The following CLSTN2 variants were observed in gnomAD, a reference collection of about 807,000 sequenced individuals.
CLSTN2 encodes calsyntenin 2.
In CLSTN2, 48 loss-of-function variants were observed where a neutral mutation model predicts 101.2. The observed-to-expected ratio is 0.47, with a 90% CI of 0.38 to 0.60. The LOEUF is 0.60. CLSTN2 is among the 20% of genes least tolerant of loss of function. The pLI, the probability that CLSTN2 is intolerant of heterozygous loss-of-function variation, is 0.00. For missense variants in CLSTN2, 1,160 were observed against 1,238.2 expected, an observed-to-expected ratio of 0.94 and a Z score of 0.95; for synonymous variants, 481 against 463.6, an observed-to-expected ratio of 1.04 and a Z score of -0.48.
At chr3:140,409,880 C>T (rs1005182261) in intron 4 of CLSTN2, among the ~76,000 whole-genome samples, 1 of 151,948 alleles carries the variant, frequency 6.6e-6, no homozygotes, top group African/African-American at 2.4e-5. Context: ...AATTTTGGAG[C>T]TTGAGAATAC....
At chr3:140,252,255 G>T (rs2086570606) in intron 2 of CLSTN2, among the ~76,000 whole-genome samples, 1 of 152,172 alleles carries the variant, frequency 6.6e-6, no homozygotes. Flanking sequence ...AAGGGTCAGG[G>T]TAGGGAGCAA....
rs1186745948 is a variant in CLSTN2 at position 140,518,258 on chromosome 3, T to C, written c.1345-14066T>C. Reference sequence around the variant, plus strand: ...GAAAGCAAGCAGGGCTTTCAGGATTTATGCCTTCCCACCTGTAGCAACTTC... The same window carrying C: ...GAAAGCAAGCAGGGCTTTCAGGATTCATGCCTTCCCACCTGTAGCAACTTC... On this transcript the variant is annotated intron_variant, in intron 8 of 16. Transcript: ENST00000458420. 2.0e-3 allele frequency among the ~76,000 whole-genome samples: 309 copies of C among 152,334 alleles called. 3 individuals carry two copies. Among genetic ancestry groups the C allele is most frequent in the Admixed American group, 3.5e-3 (53 of 15,310 alleles).
chr3:140,235,661 C>G (rs952231556), intron 2 of CLSTN2, among the ~76,000 whole-genome samples: 9 of 152,218 alleles, frequency 5.9e-5, no homozygotes, highest in Admixed American at 2.0e-4. Flanking sequence ...TTGTCTGTAC[C>G]AGCAGATTCC....
intron 1 of CLSTN2, among the ~76,000 whole-genome samples, chr3:140,050,310 C>T (rs529552458): frequency 7.9e-5 from 12 of 152,248 alleles, no homozygotes; most frequent in Non-Finnish European, 1.8e-4. Flanking sequence ...TGATGAGAGA[C>T]CATTGGAGAA....
chr3:140,146,015 T>C (rs758700647), intron 1 of CLSTN2, among the ~76,000 whole-genome samples: 3 of 152,202 alleles, frequency 2.0e-5, no homozygotes, highest in Non-Finnish European at 4.4e-5. Context: ...CATGGGGTCA[T>C]AAAATGCTTG....
At chr3:140,051,697 A>G (rs897962718) in intron 1 of CLSTN2, among the ~76,000 whole-genome samples, 3 of 152,182 alleles carry the variant, frequency 2.0e-5, no homozygotes, top group Non-Finnish European at 2.9e-5. Context: ...TCAAAACACT[A>G]TTGAGGCTGG....
At chr3:140,439,751 ACG>A (rs888881426) in intron 5 of CLSTN2, among the ~76,000 whole-genome samples, 9 of 90,338 alleles carry the variant, frequency 1.0e-4, no homozygotes, top group Non-Finnish European at 2.2e-4. Flanking sequence ...GTGCACACAC[ACG>A]CACACACACA....
rs554683921 is a variant in CLSTN2, at chr3:139,993,697, G to C, written c.109+58214G>C. ...TTTATTAATGCTGAGGTCCCAAACA[G>C]TGGCTTTGTGGCCAAGAATGTATCA... is the stretch of plus-strand genomic sequence containing the variant. On this transcript the variant is annotated intron_variant, in intron 1 of 16. Coordinates refer to ENST00000458420, the MANE Select transcript of CLSTN2 (RefSeq NM_022131.3). Among the ~76,000 whole-genome samples the C allele has an allele frequency of 8.5e-5, 13 of 152,366 alleles. No individual in the cohort carries two copies. In the South Asian group the frequency reaches 2.7e-3, roughly 32 times the overall value.
chr3:140,356,772 A>AAAAT (rs1559847470), intron 2 of CLSTN2, among the ~76,000 whole-genome samples: 1 of 151,734 alleles, frequency 6.6e-6, no homozygotes, highest in African/African-American at 2.4e-5. Context: ...AAAAAAAAAA[A>AAAAT]AAAGAAAGAA....
chr3:140,518,999 C>T (rs1208709382), intron 8 of CLSTN2, among the ~76,000 whole-genome samples: 1 of 152,164 alleles, frequency 6.6e-6, no homozygotes, highest in African/African-American at 2.4e-5. Context: ...ACTGCTTTAG[C>T]TGCATCCCAG....
At chr3:140,423,178 A>AATTTGT (rs2107992575) in intron 5 of CLSTN2, among the ~76,000 whole-genome samples, 1 of 152,364 alleles carries the variant, frequency 6.6e-6, no homozygotes, top group Admixed American at 6.5e-5. Flanking sequence ...ATAATTTCCT[A>AATTTGT]ACAGAATTTG....
chr3:139,962,387 A>G (rs2107815057), intron 1 of CLSTN2, among the ~76,000 whole-genome samples: 1 of 152,288 alleles, frequency 6.6e-6, no homozygotes, highest in East Asian at 1.9e-4. Flanking sequence ...GAACAAATAT[A>G]TGACCTCCAA....
At chr3:140,217,524 G>A (rs1383202165) in intron 2 of CLSTN2, among the ~76,000 whole-genome samples, 2 of 152,288 alleles carry the variant, frequency 1.3e-5, no homozygotes, top group Non-Finnish European at 2.9e-5. Context: ...GTTAATTACT[G>A]TGTTCATGAC....
At chr3:139,984,510 C>A (rs896301238) in intron 1 of CLSTN2, among the ~76,000 whole-genome samples, 1 of 152,120 alleles carries the variant, frequency 6.6e-6, no homozygotes, top group African/African-American at 2.4e-5. Flanking sequence ...CTCTCAGCAG[C>A]CTTTAACATT....
chr3:140,521,969 C>G (rs1271571717), intron 8 of CLSTN2, among the ~76,000 whole-genome samples: 3 of 152,194 alleles, frequency 2.0e-5, no homozygotes. Flanking sequence ...GCCAGCAAAA[C>G]TGGGTCTCTG....
chr3:140,406,874 C>T (rs759683326), intron 4 of CLSTN2, among the ~76,000 whole-genome samples: 1 of 152,218 alleles, frequency 6.6e-6, no homozygotes, highest in African/African-American at 2.4e-5. Context: ...GATGCAAAGT[C>T]TTTCTTTGGA....
intron 2 of CLSTN2, among the ~76,000 whole-genome samples, chr3:140,286,996 A>G (rs927772366): frequency 2.6e-5 from 4 of 152,208 alleles, no homozygotes; most frequent in African/African-American, 9.7e-5. Flanking sequence ...CTCAATCCAC[A>G]GAGCAGATAA....
At chr3:140,494,912 T>C (rs1442626277) in intron 8 of CLSTN2, among the ~76,000 whole-genome samples, 1 of 152,242 alleles carries the variant, frequency 6.6e-6, no homozygotes, top group Non-Finnish European at 1.5e-5. Flanking sequence ...TGAATAGTGC[T>C]GCAATGAACA....
intron 4 of CLSTN2, among the ~76,000 whole-genome samples, chr3:140,411,706 G>T (rs1386776273): frequency 6.6e-6 from 1 of 152,204 alleles, no homozygotes; most frequent in Non-Finnish European, 1.5e-5. Context: ...AAGCTAGCTG[G>T]TATCTACTGT....
Sources: gnomAD v4.1 joint callset for allele counts (sites outside exome capture counted in the v4.1 genomes callset) on GRCh38, gnomAD v4.1.1 for gene constraint, MANE v1.5 for transcripts, NCBI Gene and HGNC (gene_info 2026-07-23, HGNC 2026-07-21) for gene names.